Variants in CADPS observed in about 807,000 individuals in gnomAD.
The protein encoded by CADPS is calcium dependent secretion activator.
In CADPS, 57 loss-of-function variants were observed where a neutral mutation model predicts 167.3. The ratio of observed to expected loss-of-function variants is 0.34; its 90% confidence interval spans 0.28 to 0.42. CADPS has a LOEUF of 0.42. Among genes scored for constraint, CADPS ranks in the 20% least tolerant of loss-of-function variants. The pLI, the probability that CADPS is intolerant of heterozygous loss-of-function variation, is 1.00. For synonymous variants in CADPS, 676 were observed against 635.3 expected (o/e 1.06, Z -0.96); for missense variants, 1,414 against 1,738.1 (o/e 0.81, Z 3.32).
chr3:62,781,395 T>A (rs1298262761), intron 1 of CADPS, among the ~76,000 whole-genome samples: 1 of 152,154 alleles, frequency 6.6e-6, no homozygotes, highest in Non-Finnish European at 1.5e-5. Flanking sequence ...CACTCCTCCT[T>A]TCAAACCTCT....
intron 3 of CADPS, among the ~76,000 whole-genome samples, chr3:62,712,338 C>T (rs895267629): frequency 2.6e-5 from 4 of 152,150 alleles, no homozygotes; most frequent in African/African-American, 9.7e-5. Flanking sequence ...GGGTACAAGT[C>T]CCCTGCACCC....
At chr3:62,533,904 A>G (rs929161242) in intron 12 of CADPS, among the ~76,000 whole-genome samples, 5 of 152,198 alleles carry the variant, frequency 3.3e-5, no homozygotes, top group Non-Finnish European at 7.4e-5. Flanking sequence ...AATTGTTTGT[A>G]TTCTTATTAT....
chr3:62,786,764 G>C (rs1327967580), intron 1 of CADPS, among the ~76,000 whole-genome samples: 1 of 152,036 alleles, frequency 6.6e-6, no homozygotes. Flanking sequence ...AAGAATTTTA[G>C]TAAGTTTTAA....
intron 11 of CADPS, 81 bp downstream of exon 11, chr3:62,549,822 G>T (rs1320285081): frequency 1.9e-6 from 2 of 1,073,048 alleles, no homozygotes; most frequent in Non-Finnish European, 2.8e-6. Context: ...AAGTATAAAA[G>T]CAACTAGGTT....
chr3:62,637,151 T>C (rs2066462430), intron 6 of CADPS, among the ~76,000 whole-genome samples: 1 of 152,158 alleles, frequency 6.6e-6, no homozygotes, highest in African/African-American at 2.4e-5. Context: ...ATAGATCAGA[T>C]TGATTTTCAA....
chr3:62,496,154 T>C (rs61052371), intron 18 of CADPS, among the ~76,000 whole-genome samples: 3,154 of 152,142 alleles, frequency 0.021, 107 homozygotes, highest in African/African-American at 0.07. Flanking sequence ...GTCTTACTTT[T>C]TCTTTTGGGG....
intron 4 of CADPS, among the ~76,000 whole-genome samples, chr3:62,660,948 C>T (rs994403131): frequency 6.6e-6 from 1 of 152,146 alleles, no homozygotes; most frequent in Non-Finnish European, 1.5e-5. Flanking sequence ...TTTGCTGGTG[C>T]CCAGCAGGTT....
rs2049054419 is a variant in CADPS, at chr3:62,412,040, C to G, written c.3778-8855G>C. Among the ~76,000 whole-genome samples, 1 of 152,054 alleles carries G rather than the reference C, an allele frequency of 6.6e-6. No homozygotes were observed. Among genetic ancestry groups the G allele is most frequent in the Admixed American group, 6.5e-5 (1 of 15,272 alleles). On this transcript the variant is annotated intron_variant, in intron 28 of 29. Coordinates refer to ENST00000383710, the MANE Select transcript of CADPS (RefSeq NM_003716.4). This position sits in a 1 kb window ranked among gnomAD's most constrained non-coding sequence, Gnocchi z 4.1. ...ACAAAGCTATAATCAGACACCAAAG[C>G]TATAATCAGACACCGAAGCTCTAAA... is the stretch of plus-strand genomic sequence containing the variant.
chr3:62,761,388 CA>C (rs921843185), intron 2 of CADPS, among the ~76,000 whole-genome samples: 5 of 151,782 alleles, frequency 3.3e-5, no homozygotes, highest in Admixed American at 1.3e-4. Flanking sequence ...TACAAACAAA[CA>C]AAAAAATAAC....
chr3:62,736,756 T>G (rs985914580), intron 3 of CADPS, among the ~76,000 whole-genome samples: 2 of 152,204 alleles, frequency 1.3e-5, no homozygotes, highest in South Asian at 4.1e-4. Flanking sequence ...GTGGATTTCT[T>G]ACTATATCCT....
At chr3:62,459,164 C>T (rs775761582) in intron 26 of CADPS, among the ~76,000 whole-genome samples, 37 of 152,144 alleles carry the variant, frequency 2.4e-4, no homozygotes, top group African/African-American at 4.8e-4. Context: ...TTTTAAAGCG[C>T]GGTGTTTTTT....
At chr3:62,796,275 A>G (rs2093400106) in intron 1 of CADPS, 1 of 152,276 alleles carries the variant, frequency 6.6e-6, no homozygotes, top group Admixed American at 6.5e-5. Flanking sequence ...CCCTGCTAGC[A>G]GGAGATAACC....
intron 1 of CADPS, among the ~76,000 whole-genome samples, chr3:62,832,484 T>C (rs76312637): frequency 1.3e-5 from 2 of 152,300 alleles, no homozygotes; most frequent in African/African-American, 2.4e-5. Context: ...ACCACTGCAT[T>C]AGACAGCATA....
intron 3 of CADPS, among the ~76,000 whole-genome samples, chr3:62,702,877 C>T (rs1344995010): frequency 6.6e-6 from 1 of 152,090 alleles, no homozygotes; most frequent in Non-Finnish European, 1.5e-5. Context: ...TGAATTACTT[C>T]ATTTAATCCT....
intron 28 of CADPS, among the ~76,000 whole-genome samples, chr3:62,427,141 G>T (rs932372850): frequency 6.6e-6 from 1 of 151,678 alleles, no homozygotes; most frequent in South Asian, 2.1e-4. Flanking sequence ...GTGACTCATT[G>T]AACTGACAAG....
chr3:62,605,339 A>G (rs1243955532), intron 6 of CADPS, among the ~76,000 whole-genome samples: 2 of 152,236 alleles, frequency 1.3e-5, no homozygotes, highest in Non-Finnish European at 2.9e-5. Flanking sequence ...TCATTTATAA[A>G]TGAAGAAGCT....
At chr3:62,717,363 C>G (rs71296792) in intron 3 of CADPS, among the ~76,000 whole-genome samples, 12,059 of 152,282 alleles carry the variant, frequency 0.079, 627 homozygotes, top group Non-Finnish European at 0.12. Flanking sequence ...ATAACCCAAT[C>G]ATATCTTTGG....
At chr3:62,745,312 A>T (rs1178483892) in intron 3 of CADPS, among the ~76,000 whole-genome samples, 1 of 152,086 alleles carries the variant, frequency 6.6e-6, no homozygotes, top group African/African-American at 2.4e-5. Flanking sequence ...GTCTCAAGTG[A>T]TCCACACTCC....
At chr3:62,675,879 G>A (rs2076262495) in intron 3 of CADPS, among the ~76,000 whole-genome samples, 1 of 152,076 alleles carries the variant, frequency 6.6e-6, no homozygotes, top group Non-Finnish European at 1.5e-5. Flanking sequence ...CTAAGAAAAT[G>A]CTTTTTAGGG....
Sources: allele counts gnomAD v4.1 joint callset (sites outside exome capture counted in the v4.1 genomes callset), GRCh38; gene constraint gnomAD v4.1.1; non-coding constraint Gnocchi (gnomAD v3.1); transcripts MANE v1.5; gene names NCBI Gene and HGNC (gene_info 2026-07-23, HGNC 2026-07-21).